The following HACL1 variants were observed in gnomAD, a reference collection of about 807,000 sequenced individuals.
HACL1 encodes 1600020H07Rik.
HACL1 carries 64 observed loss-of-function variants against 74.2 expected under a neutral mutation model. That is an observed-to-expected ratio of 0.86 (90% confidence interval 0.70 to 1.06). The LOEUF is 1.06. HACL1 is among the 50% of genes least tolerant of loss of function. HACL1 has a pLI of 0.00. For missense variants in HACL1, 728 were observed against 719.7 expected, an observed-to-expected ratio of 1.01 and a Z score of -0.13; for synonymous variants, 230 against 238.8, an observed-to-expected ratio of 0.96 and a Z score of 0.34.
chr3:15,585,525 G>C (rs2063779815), intron 6 of HACL1, among the ~76,000 whole-genome samples, 183 bp from the exon 7 acceptor site: 2 of 151,820 alleles, frequency 1.3e-5, no homozygotes. Context: ...AAGATTTTTT[G>C]TTTAAAAGGG....
rs374520636 is a variant in HACL1 at position 15,601,425 on chromosome 3, C to T, written c.39G>A (p.Gln13=). The T allele has an allele frequency of 1.2e-4, 198 of 1,613,838 alleles. No individual in the cohort carries two copies. The highest frequency in any genetic ancestry group is 1.7e-4 in the Non-Finnish European group (195 of 1,180,060). ...DSNFAERSEE[Q]VSGAKVIAQA... ...GAGCGATGACTTTAGCACCAGACAC[C>T]TGCTCCTCGCTGCGCTCTGCGAAGT... Residue 13 remains glutamine, a synonymous_variant, in exon 1 of 17, where the codon CAG becomes CAA. Coordinates refer to ENST00000321169, the MANE Select transcript of HACL1 (RefSeq NM_012260.4).
At chr3:15,570,250 G>C (rs2125235850) in intron 12 of HACL1, among the ~76,000 whole-genome samples, 1 of 151,650 alleles carries the variant, frequency 6.6e-6, no homozygotes, top group African/African-American at 2.4e-5. Context: ...CAGGAGAATT[G>C]CTTAAACCTG....
chr3:15,592,141 TATGTATAC>T, intron 3 of HACL1, among the ~76,000 whole-genome samples: 3 of 149,624 alleles, frequency 2.0e-5, no homozygotes, highest in African/African-American at 7.4e-5. Flanking sequence ...TACGTGTATA[TATGTATAC>T]ATACGTATAT....
intron 14 of HACL1, among the ~76,000 whole-genome samples, chr3:15,567,204 GC>G: frequency 8.6e-6 from 1 of 116,248 alleles, no homozygotes; most frequent in Non-Finnish European, 1.8e-5. Context: ...AAGCCATGCT[GC>G]CTTTTTTTTT....
At chr3:15,595,110 C>G (rs2125290464) in intron 3 of HACL1, among the ~76,000 whole-genome samples, 1 of 152,000 alleles carries the variant, frequency 6.6e-6, no homozygotes, top group Non-Finnish European at 1.5e-5. Flanking sequence ...GCCCAGATAA[C>G]AGTGCAAGAC....
chr3:15,580,043 C>A lies in HACL1; in HGVS notation c.670G>T (p.Ala224Ser). Residue 224 changes from alanine to serine, a missense_variant and splice_region_variant, in exon 9 of 17, where the codon GCT (alanine) becomes TCT (serine). Ala to Ser is a moderately conservative substitution (Grantham distance 99). Transcript: ENST00000321169. ...KQPLLIIGKG[A>S]AYAHAEESIK... ...CTCTCTTCTGCATGAGCGTAAGCAGCACCTATAAGAAATGCAAATGTATTG... is the reference window on the plus strand; with the variant it reads ...CTCTCTTCTGCATGAGCGTAAGCAGAACCTATAAGAAATGCAAATGTATTG... 8 of 1,611,500 alleles carry A rather than the reference C, an allele frequency of 5.0e-6. No individual in the cohort carries two copies. Among genetic ancestry groups the A allele is most frequent in the Non-Finnish European group, 6.8e-6 (8 of 1,178,090 alleles).
Position 15,565,665 on chromosome 3 carries a change from T to TTGC in HACL1, c.1410-1010_1410-1008dup, listed in dbSNP as rs1237017025. Reference sequence around the variant, plus strand: ...TAAATAACAGGACTGTGGTAATTATTTGCTCTCCATGCTCAAAAGGAGTCA... The same window carrying TTGC: ...TAAATAACAGGACTGTGGTAATTATTTGCTGCTCTCCATGCTCAAAAGGAGTCA... On this transcript the variant is annotated intron_variant, in intron 14 of 16. Coordinates refer to ENST00000321169, the MANE Select transcript of HACL1 (RefSeq NM_012260.4). Among the ~76,000 whole-genome samples the TTGC allele has an allele frequency of 4.1e-4, 63 of 152,344 alleles. 1 individual carries two copies. Among genetic ancestry groups the TTGC allele is most frequent in the Non-Finnish European group, 8.8e-5 (6 of 68,030 alleles).
chr3:15,578,756 G>A (rs974552702), intron 9 of HACL1, among the ~76,000 whole-genome samples: 5 of 152,146 alleles, frequency 3.3e-5, no homozygotes, highest in South Asian at 4.1e-4. Flanking sequence ...GAGGGATTGG[G>A]AAAAAGGGTC....
chr3:15,591,993 T>C (rs544641370), intron 3 of HACL1, among the ~76,000 whole-genome samples: 3 of 148,694 alleles, frequency 2.0e-5, no homozygotes, highest in East Asian at 2.0e-4. Context: ...TATATACCTA[T>C]AGTATATACT....
Position 15,591,647 on chromosome 3 carries a change from A to T in HACL1, c.261T>A (p.Gly87=). Residue 87 remains glycine (G), a synonymous_variant, in exon 4 of 17, where the codon GGT becomes GGA. Transcript: ENST00000321169. Reference sequence around the variant, plus strand: ...CCATACCGCCCAAGGCATGGATGAGACCTGGGCCAGAAACAACAAGGCAGA... The same window carrying T: ...CCATACCGCCCAAGGCATGGATGAGTCCTGGGCCAGAAACAACAAGGCAGA... The part of the protein sequence containing the change: ...PGVCLVVSGP[G]LIHALGGMAN... 1 of 1,612,268 alleles carries T rather than the reference A, an allele frequency of 6.2e-7. No homozygotes were observed. The highest frequency in any genetic ancestry group is 1.3e-5 in the African/African-American group (1 of 74,968).
chr3:15,579,529 A>T (rs925155855), intron 9 of HACL1, among the ~76,000 whole-genome samples: 1 of 152,234 alleles, frequency 6.6e-6, no homozygotes, highest in Non-Finnish European at 1.5e-5. Flanking sequence ...AGAAAGAATG[A>T]TGAAAACTTT....
At chr3:15,576,141 CGA>C (rs2063622137) in intron 9 of HACL1, among the ~76,000 whole-genome samples, 1 of 82,776 alleles carries the variant, frequency 1.2e-5, no homozygotes, top group Non-Finnish European at 2.1e-5. Context: ...AGTAACAAAG[CGA>C]GACTCTGTCT....
intron 2 of HACL1, among the ~76,000 whole-genome samples, chr3:15,598,026 T>TC (rs2064102658): frequency 6.6e-6 from 1 of 151,920 alleles, no homozygotes; most frequent in South Asian, 2.1e-4. Flanking sequence ...GTTTTGTTTT[T>TC]TTTTTTTGAG....
intron 2 of HACL1, among the ~76,000 whole-genome samples, chr3:15,600,529 A>G (rs980104873): frequency 2.0e-5 from 3 of 152,222 alleles, no homozygotes; most frequent in Non-Finnish European, 4.4e-5. Flanking sequence ...GATGTGGTGG[A>G]AAAAGCATCA....
At chr3:15,579,422 A>G (rs2063684810) in intron 9 of HACL1, among the ~76,000 whole-genome samples, 1 of 152,218 alleles carries the variant, frequency 6.6e-6, no homozygotes. Flanking sequence ...AGCAAAATAT[A>G]AAATAAAAGG....
chr3:15,587,450 G>C (rs1047220899), intron 5 of HACL1, among the ~76,000 whole-genome samples: 1 of 137,594 alleles, frequency 7.3e-6, no homozygotes, highest in Non-Finnish European at 1.6e-5. Context: ...ACAAAATTAA[G>C]ATCACCCTCC....
chr3:15,575,631 T>C (rs1281443218), intron 9 of HACL1, among the ~76,000 whole-genome samples: 1 of 152,100 alleles, frequency 6.6e-6, no homozygotes, highest in East Asian at 1.9e-4. Flanking sequence ...CATCCTCTCC[T>C]CTCAGGCTTA....
intron 9 of HACL1, among the ~76,000 whole-genome samples, chr3:15,577,391 A>G (rs907684318): frequency 1.3e-5 from 2 of 152,072 alleles, no homozygotes; most frequent in Non-Finnish European, 1.5e-5. Flanking sequence ...CACCAAACAC[A>G]TGACAGTAAT....
chr3:15,596,236 C>T, intron 3 of HACL1, 148 bp downstream of exon 3: 2 of 611,672 alleles, frequency 3.3e-6, no homozygotes, highest in Non-Finnish European at 3.0e-6. Flanking sequence ...TTGATGTGGT[C>T]CTCAGAGAGT....
Sources: allele counts gnomAD v4.1 joint callset (sites outside exome capture counted in the v4.1 genomes callset), GRCh38; gene constraint gnomAD v4.1.1; transcripts MANE v1.5; gene names NCBI Gene and HGNC (gene_info 2026-07-23, HGNC 2026-07-21).